TFR2: variants seen among roughly 807,000 people sequenced by gnomAD.
TFR2 encodes the protein transferrin receptor protein 2.
In TFR2, 64 loss-of-function variants were observed where a neutral mutation model predicts 91.9. The ratio of observed to expected loss-of-function variants is 0.70; its 90% CI spans 0.57 to 0.86. TFR2 has a LOEUF of 0.86. TFR2 is among the 40% of genes least tolerant of loss of function. TFR2 has a pLI of 0.00. For synonymous variants in TFR2, 454 were observed against 459.6 expected (o/e 0.99, Z 0.15); for missense variants, 950 against 1,080.5 (o/e 0.88, Z 1.69).
intron 3 of TFR2, among the ~76,000 whole-genome samples, chr7:100,636,918 T>C (rs1338717581): frequency 6.6e-6 from 1 of 152,122 alleles, no homozygotes; most frequent in African/African-American, 2.4e-5. Flanking sequence ...TGTCAAACTA[T>C]CTACCTGCTC....
chr7:100,628,976 T>C (rs558520978), intron 10 of TFR2, among the ~76,000 whole-genome samples: 16 of 152,160 alleles, frequency 1.1e-4, no homozygotes, highest in Non-Finnish European at 1.9e-4. Flanking sequence ...TTGGCTAGGC[T>C]GGTCTCAAAC....
Position 100,633,049 on chromosome 7 carries a change from C to T in TFR2, c.801G>A (p.Val267=), listed in dbSNP as rs1225888335. ...QDLRARGVDP[V]GRLLLVRVGV... ...CCACGCGCACCAGCAGCAGGCGGCC[C>T]ACTGGATCCACGCCCCTGGCCCGCA... The change falls in exon 6 of 18, where the codon GTG becomes GTA. Residue 267 remains valine (V), a synonymous_variant. Transcript: ENST00000223051. 6.2e-7 allele frequency: 1 copy of T among 1,613,612 alleles called. No individual in the cohort carries two copies. Among genetic ancestry groups the T allele is most frequent in the East Asian group, 2.2e-5 (1 of 44,862 alleles).
rs781475554 is a variant in TFR2 at position 100,627,884 on chromosome 7, C to G, written c.1605+23G>C. 1.2e-5 allele frequency: 19 copies of G among 1,613,986 alleles called. No homozygotes were observed. The Admixed American group carries it at 3.2e-4, about 27-fold the overall frequency. The stretch of plus-strand genomic sequence containing the variant: ...TCCCCGCAACCTACTCCCCTTCACC[C>G]CCTATTCCTGGGGTGCTCTTGCCTG... On this transcript the variant is annotated intron_variant, in intron 13 of 17. Transcript: ENST00000223051.
intron 9 of TFR2, among the ~76,000 whole-genome samples, chr7:100,630,660 C>T (rs192906390): frequency 6.6e-6 from 1 of 152,360 alleles, no homozygotes; most frequent in Non-Finnish European, 1.5e-5. Flanking sequence ...GAGCTCACTA[C>T]TGGGCAACAA....
At chr7:100,636,046 C>T (rs1219226773) in intron 3 of TFR2, among the ~76,000 whole-genome samples, 1 of 152,186 alleles carries the variant, frequency 6.6e-6, no homozygotes, top group African/African-American at 2.4e-5. Context: ...CTCACCACCA[C>T]CTGCTTAGCT....
In TFR2 at chr7:100,627,497, A is replaced by G. The variant is rs1803299011; in HGVS notation, c.1768-6T>C. ...AATGGGTAGGCCTGGTCGTCCTGCC[A>G]GGACAGGGTGGACGCTGGGGCGGAG... On this transcript the variant is annotated splice_polypyrimidine_tract_variant and splice_region_variant and intron_variant, in intron 15 of 17. Transcript: ENST00000223051. The G allele has an allele frequency of 1.9e-6, 3 of 1,612,834 alleles. No homozygotes were observed. Among genetic ancestry groups the G allele is most frequent in the Non-Finnish European group, 1.7e-6 (2 of 1,179,406 alleles).
chr7:100,633,619 A>C, intron 3 of TFR2, 63 bp from the exon 4 acceptor site: 1 of 1,450,024 alleles, frequency 6.9e-7, no homozygotes, highest in Non-Finnish European at 9.2e-7. Flanking sequence ...AGAGGGAAGG[A>C]TGCCAGAGAC....
rs2131320234 is a variant in TFR2 at position 100,633,112 on chromosome 7, C to T, written c.738G>A (p.Val246=). Residue 246 remains valine (V), a synonymous_variant, in exon 6 of 18, where the codon GTG becomes GTA. Transcript: ENST00000223051. ...CTTCGGGCCGCCCGTAGTGGGCGTA[C>T]ACCAGCTCTCCCTGGGGACACGAGG... ...SAIGNVTGEL[V]YAHYGRPEDL... 1.9e-6 allele frequency: 3 copies of T among 1,613,506 alleles called. No individual in the cohort carries two copies. Among genetic ancestry groups the T allele is most frequent in the Non-Finnish European group, 2.5e-6 (3 of 1,179,902 alleles).
chr7:100,622,652 T>C (rs1347471645), intron 17 of TFR2, among the ~76,000 whole-genome samples: 1 of 152,218 alleles, frequency 6.6e-6, no homozygotes, highest in Admixed American at 6.5e-5. Flanking sequence ...TAGCATGTGG[T>C]AACCTTCTAC....
Position 100,620,628 on chromosome 7 carries a change from T to C in TFR2, c.*229A>G, listed in dbSNP as rs753839642. 17 of 561,414 alleles carry C rather than the reference T, an allele frequency of 3.0e-5. No individual in the cohort carries two copies. The highest frequency in any genetic ancestry group is 1.8e-4 in the South Asian group (8 of 44,876). The allele number at this position is 561,414 out of a possible 1,614,324, so 34.8% of individuals were successfully genotyped here. On this transcript the variant is annotated 3_prime_UTR_variant, in exon 18 of 18. Coordinates refer to ENST00000223051, the MANE Select transcript of TFR2 (RefSeq NM_003227.4). ...CTGTGATTGAAGGGATGCTACTCTCTGATTAACCGACAGTATGACCGTCAC... is the reference window on the plus strand; with the variant it reads ...CTGTGATTGAAGGGATGCTACTCTCCGATTAACCGACAGTATGACCGTCAC...
intron 10 of TFR2, 130 bp downstream of exon 10, chr7:100,629,123 A>AC: frequency 8.2e-7 from 1 of 1,221,354 alleles, no homozygotes. Flanking sequence ...CCACTCAGGT[A>AC]CAATGTGGAT....
chr7:100,640,507 A>C (rs1803674543), intron 3 of TFR2, 179 bp downstream of exon 3: 1 of 684,654 alleles, frequency 1.5e-6, no homozygotes. Context: ...CTGGAACCTC[A>C]GCTCCGAATG....
chr7:100,632,156 A>G lies in TFR2; in HGVS notation c.892T>C (p.Tyr298His), dbSNP rs759999668. ...QDFGAQGVLI[Y>H]PEPADFSQDP... ...TGGGAGAAGTCCGCTGGCTCTGGGT[A>G]TATGAGCACTCCTTGAGCCCCGAAG... The change falls in exon 7 of 18, where the codon TAC becomes CAC. Residue 298 changes from tyrosine to histidine, a missense_variant. Tyr to His is a moderately conservative substitution (Grantham distance 83). Transcript: ENST00000223051. 3 of 1,614,142 alleles carry G rather than the reference A, an allele frequency of 1.9e-6. No homozygotes were observed. Among genetic ancestry groups the G allele is most frequent in the African/African-American group, 1.3e-5 (1 of 75,036 alleles).
chr7:100,622,587 C>G (rs1420775055), intron 17 of TFR2, among the ~76,000 whole-genome samples: 1 of 152,196 alleles, frequency 6.6e-6, no homozygotes, highest in Non-Finnish European at 1.5e-5. Flanking sequence ...GCCCCAGTTT[C>G]TGGATATAAT....
intron 3 of TFR2, among the ~76,000 whole-genome samples, chr7:100,638,289 C>T (rs1803617719): frequency 6.6e-6 from 1 of 151,420 alleles, no homozygotes; most frequent in African/African-American, 2.4e-5. Context: ...AGGTGTGAGC[C>T]ACCATGCCTG....
chr7:100,621,068 A>G lies in TFR2; in HGVS notation c.2195T>C (p.Ile732Thr), dbSNP rs1252622114. 6.4e-7 allele frequency: 1 copy of G among 1,557,640 alleles called. No homozygotes were observed. The highest frequency in any genetic ancestry group is 2.4e-5 in the East Asian group (1 of 41,478). The change falls in exon 18 of 18, where the codon ATC becomes ACC. Residue 732 changes from isoleucine (I) to threonine (T), a missense_variant. By Grantham distance (89) the Ile-to-Thr change is moderately conservative. Transcript: ENST00000223051. The part of the protein sequence containing the change: ...VSPADSPFRH[I>T]FMGRGDHTLG... Reference sequence around the variant, plus strand: ...CGTGTGGTCTCCACGGCCCATGAAGATGTGGCGGAACGGGGAGTCGGCTGG... The same window carrying G: ...CGTGTGGTCTCCACGGCCCATGAAGGTGTGGCGGAACGGGGAGTCGGCTGG...
intron 8 of TFR2, 53 bp from the exon 9 acceptor site, chr7:100,631,105 C>T: frequency 6.9e-7 from 1 of 1,453,560 alleles, no homozygotes; most frequent in South Asian, 1.4e-5. Flanking sequence ...CCAGAAGAGT[C>T]CAAATCACTC....
chr7:100,632,611 G>A (rs1316446043), intron 6 of TFR2, among the ~76,000 whole-genome samples: 42 of 138,408 alleles, frequency 3.0e-4, no homozygotes, highest in African/African-American at 1.1e-3. Flanking sequence ...GTGCAGTGGC[G>A]CGATCATAGC....
intron 17 of TFR2, among the ~76,000 whole-genome samples, chr7:100,625,966 A>G (rs1029945582): frequency 2.0e-5 from 3 of 152,172 alleles, no homozygotes; most frequent in Admixed American, 2.0e-4. Flanking sequence ...TGAGCCTCCA[A>G]GGGGTAGCCA....
Sources: allele counts gnomAD v4.1 joint callset (sites outside exome capture counted in the v4.1 genomes callset), GRCh38; gene constraint gnomAD v4.1.1; transcripts MANE v1.5; gene names NCBI Gene and HGNC (gene_info 2026-07-23, HGNC 2026-07-21).